ST6GAL1: variants seen among roughly 807,000 people sequenced by gnomAD.
The protein encoded by ST6GAL1 is ST6 beta-galactoside alpha-2,6-sialyltransferase 1.
Under a neutral mutation model 38.0 loss-of-function variants are expected in ST6GAL1, and 20 were observed. The ratio of observed to expected loss-of-function variants is 0.53; its 90% confidence interval spans 0.37 to 0.77. ST6GAL1 has a LOEUF of 0.77. ST6GAL1 is among the 30% of genes least tolerant of loss of function. The pLI is 0.00. For missense variants in ST6GAL1, 432 were observed against 496.4 expected (o/e 0.87, Z 1.23); for synonymous variants, 196 against 188.2 (o/e 1.04, Z -0.34).
At chr3:187,032,677 A>G (rs74779293) in intron 2 of ST6GAL1, among the ~76,000 whole-genome samples, 2 of 152,192 alleles carry the variant, frequency 1.3e-5, no homozygotes, top group African/African-American at 2.4e-5. Context: ...CACAAGGGAA[A>G]TTCATGCTGT....
intron 2 of ST6GAL1, among the ~76,000 whole-genome samples, chr3:187,034,710 C>A (rs903547847): frequency 6.6e-6 from 1 of 152,018 alleles, no homozygotes; most frequent in Non-Finnish European, 1.5e-5. Flanking sequence ...AAAATCCTTT[C>A]ATCAAAAAAG....
At position 187,067,854 on chromosome 3, in the gene ST6GAL1, AC is replaced by A. The variant is rs552931937; in HGVS notation, c.706-4992del. Reference sequence around the variant, plus strand: ...CTCTTGTCTCTCTGGGCCTCAGTTTACCCATCTGGAAAATGATGGGTCTGAA... The same window carrying A: ...CTCTTGTCTCTCTGGGCCTCAGTTTACCATCTGGAAAATGATGGGTCTGAA... On this transcript the variant is annotated intron_variant, in intron 5 of 7. Coordinates refer to ENST00000169298, the MANE Select transcript of ST6GAL1 (RefSeq NM_173216.2). Among the ~76,000 whole-genome samples, 76 of 152,254 alleles carry A rather than the reference AC, an allele frequency of 5.0e-4. 1 individual carries two copies. The South Asian group carries it at 9.1e-3, about 18-fold the overall frequency.
At chr3:186,953,195 G>A (rs553724762) in intron 1 of ST6GAL1, among the ~76,000 whole-genome samples, 6 of 152,172 alleles carry the variant, frequency 3.9e-5, no homozygotes, top group African/African-American at 1.4e-4. Flanking sequence ...TCATTCTTCC[G>A]CTCAAAAACC....
chr3:186,978,530 G>T (rs892990111), intron 2 of ST6GAL1, among the ~76,000 whole-genome samples: 2 of 152,200 alleles, frequency 1.3e-5, no homozygotes, highest in African/African-American at 4.8e-5. Context: ...GGATGGTGGG[G>T]CTGCAGGCCA....
Position 187,076,467 on chromosome 3 carries a change from T to C in ST6GAL1, c.*664T>C, listed in dbSNP as rs1719564760. 5.4e-6 allele frequency: 1 copy of C among 185,094 alleles called. No individual in the cohort carries two copies. 11.5% of individuals were successfully genotyped at this position (185,094 alleles called of 1,614,324 possible). On this transcript the variant is annotated 3_prime_UTR_variant, in exon 8 of 8. Coordinates refer to ENST00000169298, the MANE Select transcript of ST6GAL1 (RefSeq NM_173216.2). ...AGATGGAAGGTAGAGAAGGATACAG[T>C]GTCTATCCTCAAGTTGCTACGGTTC...
chr3:187,044,721 T>G lies in ST6GAL1; in HGVS notation c.607+1411T>G, dbSNP rs140118249. Among the ~76,000 whole-genome samples, 98 of 152,284 alleles carry G rather than the reference T, an allele frequency of 6.4e-4. 2 individuals carry two copies. In the East Asian group the frequency reaches 0.017, roughly 27 times the overall value. Reference sequence around the variant, plus strand: ...GTGCCTGGCTGAAATTGTACTGAAGTTTGAGACAGGGCCTGATAGCTCTGT... The same window carrying G: ...GTGCCTGGCTGAAATTGTACTGAAGGTTGAGACAGGGCCTGATAGCTCTGT... On this transcript the variant is annotated intron_variant, in intron 4 of 7. Coordinates refer to ENST00000169298, the MANE Select transcript of ST6GAL1 (RefSeq NM_173216.2).
intron 2 of ST6GAL1, among the ~76,000 whole-genome samples, chr3:186,994,825 C>G (rs9814571): frequency 0.19 from 28,294 of 151,582 alleles, 2,819 homozygotes; most frequent in Non-Finnish European, 0.23. Context: ...CCTGTAATCT[C>G]AGCTACTTAG....
intron 1 of ST6GAL1, among the ~76,000 whole-genome samples, chr3:186,937,224 T>C (rs1382267370): frequency 6.6e-6 from 1 of 152,160 alleles, no homozygotes; most frequent in Non-Finnish European, 1.5e-5. Context: ...CTTTCATTCG[T>C]CACCCATATC....
intron 2 of ST6GAL1, among the ~76,000 whole-genome samples, chr3:186,967,907 T>C (rs1341731087): frequency 6.6e-6 from 1 of 152,214 alleles, no homozygotes; most frequent in Non-Finnish European, 1.5e-5. Context: ...CACAGCCCAC[T>C]TCCTGCCTTA....
intron 3 of ST6GAL1, among the ~76,000 whole-genome samples, chr3:187,041,253 G>C (rs540060028): frequency 6.6e-6 from 1 of 152,266 alleles, no homozygotes; most frequent in Non-Finnish European, 1.5e-5. Flanking sequence ...ACCAAGAATG[G>C]GGATAAGAAC....
intron 5 of ST6GAL1, among the ~76,000 whole-genome samples, chr3:187,063,910 G>GT (rs895316202): frequency 2.4e-4 from 37 of 151,306 alleles, no homozygotes; most frequent in South Asian, 6.3e-4. Flanking sequence ...ACTATCCAGG[G>GT]TTTTTTTTTA....
intron 2 of ST6GAL1, among the ~76,000 whole-genome samples, chr3:187,010,963 C>A (rs924875220): frequency 2.0e-5 from 3 of 152,180 alleles, no homozygotes; most frequent in South Asian, 2.1e-4. Flanking sequence ...GCCCCTTCTT[C>A]GGGGCCGAGA....
At chr3:187,006,795 A>G (rs1486744093) in intron 2 of ST6GAL1, among the ~76,000 whole-genome samples, 1 of 152,184 alleles carries the variant, frequency 6.6e-6, no homozygotes, top group African/African-American at 2.4e-5. Context: ...TTAGACTCAG[A>G]TGTTTGAACA....
chr3:187,021,811 C>G (rs962360585), intron 2 of ST6GAL1: 2 of 150,128 alleles, frequency 1.3e-5, no homozygotes, highest in Non-Finnish European at 3.0e-5. Context: ...GAAATGCTGA[C>G]GTCAAGGAAG....
chr3:187,076,087 G>T lies in ST6GAL1; in HGVS notation c.*284G>T. On this transcript the variant is annotated 3_prime_UTR_variant, in exon 8 of 8. Coordinates refer to ENST00000169298, the MANE Select transcript of ST6GAL1 (RefSeq NM_173216.2). ...CTCCCCGCCTTCCACCTTGGTAGAT[G>T]CAAGGTCTATCTCTCCCATCAGGGC... 1 of 408,530 alleles carries T rather than the reference G, an allele frequency of 2.4e-6. No homozygotes were observed. The highest frequency in any genetic ancestry group is 4.4e-6 in the Non-Finnish European group (1 of 225,322). 25.3% of individuals were successfully genotyped at this position (408,530 alleles called of 1,614,324 possible).
intron 2 of ST6GAL1, among the ~76,000 whole-genome samples, chr3:187,037,088 T>C (rs886739688): frequency 2.5e-4 from 38 of 152,178 alleles, no homozygotes; most frequent in African/African-American, 9.2e-4. Flanking sequence ...CACTCTTATT[T>C]CCTAGAAGTA....
chr3:187,009,122 C>T (rs1013946459), intron 2 of ST6GAL1, among the ~76,000 whole-genome samples: 2 of 138,550 alleles, frequency 1.4e-5, no homozygotes, highest in African/African-American at 2.6e-5. Flanking sequence ...CTCTTTCTTC[C>T]TCCCTTTTTC....
intron 1 of ST6GAL1, among the ~76,000 whole-genome samples, chr3:186,946,588 G>A (rs1000352237): frequency 2.0e-5 from 3 of 152,220 alleles, no homozygotes; most frequent in Admixed American, 6.5e-5. Flanking sequence ...ATCCTTTCAC[G>A]CATGCTTTCT....
intron 2 of ST6GAL1, among the ~76,000 whole-genome samples, chr3:187,017,754 G>A (rs1466971542): frequency 1.3e-5 from 2 of 152,164 alleles, no homozygotes; most frequent in African/African-American, 4.8e-5. Context: ...TGCCCAGATT[G>A]ATAACACGAA....
Sources: allele counts gnomAD v4.1 joint callset (sites outside exome capture counted in the v4.1 genomes callset), GRCh38; gene constraint gnomAD v4.1.1; transcripts MANE v1.5; gene names NCBI Gene and HGNC (gene_info 2026-07-23, HGNC 2026-07-21).